The following MREG variants were observed in gnomAD, a reference collection of about 807,000 sequenced individuals.
MREG encodes dilute suppressor protein homolog.
In MREG, 31 loss-of-function variants were observed where a neutral mutation model predicts 28.5. The ratio of observed to expected loss-of-function variants is 1.09; its 90% confidence interval spans 0.82 to 1.47. The LOEUF is 1.47. Ranked by LOEUF, MREG falls within the 40% of genes most tolerant of loss-of-function variation. The pLI is 0.00. For missense variants in MREG, 256 were observed against 257.4 expected (o/e 0.99, Z 0.04); for synonymous variants, 106 against 95.2 (o/e 1.11, Z -0.66).
chr2:215,998,498 A>G (rs3770554), intron 1 of MREG, among the ~76,000 whole-genome samples: 89,361 of 151,760 alleles, frequency 0.59, 26,748 homozygotes, highest in Non-Finnish European at 0.64. Context: ...TTGTGGCTGC[A>G]GGTCAGAAGT....
At chr2:215,984,981 T>C (rs966316654) in intron 2 of MREG, among the ~76,000 whole-genome samples, 2 of 152,226 alleles carry the variant, frequency 1.3e-5, no homozygotes, top group Non-Finnish European at 2.9e-5. Context: ...TCAATCCTGA[T>C]ACTCATTATA....
intron 2 of MREG, among the ~76,000 whole-genome samples, chr2:215,991,169 A>G (rs1366967520): frequency 1.3e-5 from 2 of 152,238 alleles, no homozygotes; most frequent in East Asian, 1.9e-4. Flanking sequence ...AGCAAATGCA[A>G]AAGAACAGAA....
intron 1 of MREG, among the ~76,000 whole-genome samples, chr2:216,000,428 T>C (rs1213058081): frequency 1.3e-5 from 2 of 152,112 alleles, no homozygotes; most frequent in Non-Finnish European, 2.9e-5. Context: ...GTCCCCAGGA[T>C]GCACTCTCCT....
chr2:216,033,523 G>A (rs76534218), upstream of MREG, among the ~76,000 whole-genome samples: 506 of 152,220 alleles, frequency 3.3e-3, 4 homozygotes, highest in Non-Finnish European at 4.6e-3. Context: ...TAAGCAGAGA[G>A]AAACAGGATG....
In MREG at chr2:215,981,382, C is replaced by T. The variant is rs148833289; in HGVS notation, c.255+14924G>A. 5.4e-3 allele frequency among the ~76,000 whole-genome samples: 829 copies of T among 152,302 alleles called. 4 individuals are homozygous for T. The highest frequency in any genetic ancestry group is 0.018 in the African/African-American group (760 of 41,572). ...GTGTGAATGAACTTTGGAAACATTA[C>T]GCTAAGTGAAGCAAGCTAGCTATGA... On this transcript the variant is annotated intron_variant, in intron 2 of 4. Coordinates refer to ENST00000263268, the MANE Select transcript of MREG (RefSeq NM_018000.3).
chr2:215,999,918 G>A (rs531147911), intron 1 of MREG, among the ~76,000 whole-genome samples: 113 of 152,336 alleles, frequency 7.4e-4, no homozygotes, highest in African/African-American at 2.6e-3. Context: ...TGGCATCACA[G>A]AAGCAGGTCA....
At chr2:215,956,359 C>T (rs1692628403) in intron 2 of MREG, among the ~76,000 whole-genome samples, 1 of 152,170 alleles carries the variant, frequency 6.6e-6, no homozygotes, top group Admixed American at 6.5e-5. Flanking sequence ...ATCTACCTAC[C>T]TACCTTCCTA....
chr2:216,019,741 G>A (rs1195254845), intron 1 of MREG, among the ~76,000 whole-genome samples: 2 of 152,080 alleles, frequency 1.3e-5, no homozygotes, highest in Non-Finnish European at 2.9e-5. Context: ...TCCTGACCAC[G>A]TGATCAGCCC....
intron 2 of MREG, among the ~76,000 whole-genome samples, chr2:215,965,881 T>C (rs1015850997): frequency 6.6e-6 from 1 of 152,120 alleles, no homozygotes. Flanking sequence ...TTCTCATCAA[T>C]TGCACCTCCA....
chr2:216,005,244 A>C (rs958663502), intron 1 of MREG, among the ~76,000 whole-genome samples: 1 of 152,148 alleles, frequency 6.6e-6, no homozygotes, highest in Non-Finnish European at 1.5e-5. Context: ...CTCCACCAAC[A>C]AAGTGAGTTC....
chr2:215,977,218 G>A (rs1693285886), intron 2 of MREG, among the ~76,000 whole-genome samples: 1 of 152,142 alleles, frequency 6.6e-6, no homozygotes, highest in Non-Finnish European at 1.5e-5. Flanking sequence ...ACAAAAAGCA[G>A]GGGTTGCAAC....
chr2:215,990,369 C>T lies in MREG; in HGVS notation c.255+5937G>A, dbSNP rs551406347. ...ACTGAGAGATTTTGTCATCACCAGGCCTGCCTTACAAGAGCTCCTGAAGGA... is the reference window on the plus strand; with the variant it reads ...ACTGAGAGATTTTGTCATCACCAGGTCTGCCTTACAAGAGCTCCTGAAGGA... On this transcript the variant is annotated intron_variant, in intron 2 of 4. Coordinates refer to ENST00000263268, the MANE Select transcript of MREG (RefSeq NM_018000.3). Among the ~76,000 whole-genome samples the T allele has an allele frequency of 1.6e-4, 25 of 152,282 alleles. No homozygotes were observed. In the East Asian group the frequency reaches 4.6e-3, roughly 28 times the overall value.
intron 2 of MREG, among the ~76,000 whole-genome samples, chr2:215,977,712 C>G (rs1211432718): frequency 6.6e-6 from 1 of 152,172 alleles, no homozygotes; most frequent in Non-Finnish European, 1.5e-5. Flanking sequence ...AACTAGAACT[C>G]AGGATTAAGA....
At chr2:216,012,712 A>G (rs553250112) in intron 1 of MREG, among the ~76,000 whole-genome samples, 1 of 152,320 alleles carries the variant, frequency 6.6e-6, no homozygotes, top group South Asian at 2.1e-4. Flanking sequence ...TCAACATCCT[A>G]GTGAATAGGC....
Position 215,943,757 on chromosome 2 carries a change from C to A in MREG, c.*1106G>T, listed in dbSNP as rs577940893. On this transcript the variant is annotated 3_prime_UTR_variant, in exon 5 of 5. Coordinates refer to ENST00000263268, the MANE Select transcript of MREG (RefSeq NM_018000.3). ...TCCAGAGGCTGAGGCAGGGGAATCA[C>A]TTGAAACCGGAAGGCGGAGGTTGCA... 2.2e-4 allele frequency: 54 copies of A among 242,930 alleles called. 2 individuals carry two copies. The highest frequency in any genetic ancestry group is 2.2e-3 in the South Asian group (51 of 23,248). 15.0% of individuals were successfully genotyped at this position (242,930 alleles called of 1,614,324 possible).
intron 1 of MREG, among the ~76,000 whole-genome samples, chr2:216,021,169 A>G (rs909924506): frequency 9.9e-5 from 15 of 152,194 alleles, no homozygotes; most frequent in Middle Eastern, 3.4e-3. Flanking sequence ...CTTTTCTGAG[A>G]TGTGGTCTCA....
intron 2 of MREG, among the ~76,000 whole-genome samples, chr2:215,990,894 G>C (rs1051301292): frequency 5.9e-5 from 9 of 152,138 alleles, no homozygotes; most frequent in African/African-American, 2.2e-4. Flanking sequence ...GATTCATAAA[G>C]CAAATTCCTA....
At chr2:215,984,518 C>CAAAAA (rs375220091) in intron 2 of MREG, among the ~76,000 whole-genome samples, 28 of 68,038 alleles carry the variant, frequency 4.1e-4, no homozygotes, top group African/African-American at 1.9e-3. Flanking sequence ...ACCTTGTCAC[C>CAAAAA]AAAAAAAAAA....
intron 2 of MREG, among the ~76,000 whole-genome samples, chr2:215,984,076 G>C (rs899055838): frequency 6.6e-6 from 1 of 152,174 alleles, no homozygotes; most frequent in Non-Finnish European, 1.5e-5. Flanking sequence ...CCACGTGGCT[G>C]GGGAAGCCTC....
Sources: gnomAD v4.1 joint callset for allele counts (sites outside exome capture counted in the v4.1 genomes callset) on GRCh38, gnomAD v4.1.1 for gene constraint, MANE v1.5 for transcripts, NCBI Gene and HGNC (gene_info 2026-07-23, HGNC 2026-07-21) for gene names.